Variants in SLC44A5 observed in about 807,000 individuals in gnomAD.
SLC44A5 encodes choline transporter-like protein 5.
In SLC44A5, 57 loss-of-function variants were observed where a neutral mutation model predicts 101.8. That is an observed-to-expected ratio of 0.56 (90% CI 0.45 to 0.70). SLC44A5 has a LOEUF of 0.70. Among genes scored for constraint, SLC44A5 ranks in the 30% least tolerant of loss-of-function variants. SLC44A5 has a pLI of 0.00. For missense variants in SLC44A5, 737 were observed against 853.1 expected (o/e 0.86, Z 1.70); for synonymous variants, 281 against 290.9 (o/e 0.97, Z 0.35).
At chr1:75,365,806 G>T (rs532106902) in intron 3 of SLC44A5, among the ~76,000 whole-genome samples, 137 of 152,070 alleles carry the variant, frequency 9.0e-4, no homozygotes, top group Non-Finnish European at 1.6e-3. Context: ...TCTGCTAGAG[G>T]TTTTTTTCCT....
At chr1:75,273,570 G>A (rs1651670496) in intron 6 of SLC44A5, among the ~76,000 whole-genome samples, 1 of 151,858 alleles carries the variant, frequency 6.6e-6, no homozygotes, top group South Asian at 2.1e-4. Context: ...TTTTTGTTGA[G>A]GGCTCTCATC....
At chr1:75,449,775 G>A (rs898775897) in intron 2 of SLC44A5, among the ~76,000 whole-genome samples, 3 of 152,070 alleles carry the variant, frequency 2.0e-5, no homozygotes, top group African/African-American at 7.2e-5. Context: ...GGCCGAGAAG[G>A]GCGGATCACA....
chr1:75,568,591 T>C (rs2102028895), intron 1 of SLC44A5, among the ~76,000 whole-genome samples: 1 of 152,336 alleles, frequency 6.6e-6, no homozygotes, highest in South Asian at 2.1e-4. Context: ...TTTTCTATTT[T>C]CCATACCTCT....
At chr1:75,693,360 C>T in the SLC44A5 span, among the ~76,000 whole-genome samples, 2 of 152,142 alleles carry the variant, frequency 1.3e-5, no homozygotes, top group Non-Finnish European at 2.9e-5. Context: ...TTCCCATTTA[C>T]CTTGGCACCC....
At position 75,218,631 on chromosome 1, in the gene SLC44A5, A is replaced by G. The variant is rs1274752515; in HGVS notation, c.1388T>C (p.Val463Ala). The G allele has an allele frequency of 2.5e-6, 4 of 1,613,772 alleles. No individual in the cohort carries two copies. The African/African-American group carries it at 5.3e-5, about 22-fold the overall frequency. The part of the protein sequence containing the change: ...IPTFHVYNLF[V>A]FLWLINFVIA... ...GACGAAGTTTATAAGCCAGAGAAAG[A>G]CAAATAAGTTGTATACATGGAAGGT... The change falls in exon 17 of 24, where the codon GTC (valine) becomes GCC (alanine). Residue 463 changes from valine to alanine, a missense_variant. By Grantham distance (64) the Val-to-Ala change is moderately conservative. Transcript: ENST00000370859.
intron 2 of SLC44A5, among the ~76,000 whole-genome samples, chr1:75,439,835 GAC>G (rs1665095821): frequency 6.6e-6 from 1 of 151,956 alleles, no homozygotes; most frequent in African/African-American, 2.4e-5. Context: ...AGACACAAGA[GAC>G]ACAATATCTA....
chr1:75,454,031 C>T (rs1666050031), intron 2 of SLC44A5, among the ~76,000 whole-genome samples: 1 of 152,062 alleles, frequency 6.6e-6, no homozygotes, highest in Non-Finnish European at 1.5e-5. Flanking sequence ...GAGAGGGACT[C>T]TTCCCTAACT....
intron 2 of SLC44A5, among the ~76,000 whole-genome samples, chr1:75,423,698 C>T (rs561733771): frequency 2.3e-4 from 35 of 152,342 alleles, no homozygotes; most frequent in African/African-American, 5.3e-4. Context: ...GCTCCCAGGA[C>T]GCACTTATCT....
rs912892135 is a variant in SLC44A5, at chr1:75,203,185, T to C, written c.*542A>G. 2.0e-5 allele frequency: 3 copies of C among 152,238 alleles called. No homozygotes were observed. Among genetic ancestry groups the C allele is most frequent in the African/African-American group, 7.2e-5 (3 of 41,476 alleles). 9.4% of individuals were successfully genotyped at this position (152,238 alleles called of 1,614,324 possible). A position where few individuals can be genotyped will look rare whatever the true frequency, so the allele number is the denominator to read the frequency against. The stretch of plus-strand genomic sequence containing the variant: ...GGCACTTTGTCAGAGGGCTAAGTAG[T>C]AAAGGCTGGATGATTGGCAATTTGT... On this transcript the variant is annotated 3_prime_UTR_variant, in exon 24 of 24. Coordinates refer to ENST00000370859, the MANE Select transcript of SLC44A5 (RefSeq NM_001130058.2).
intron 1 of SLC44A5, among the ~76,000 whole-genome samples, chr1:75,555,978 A>T (rs1672192400): frequency 6.6e-6 from 1 of 152,126 alleles, no homozygotes; most frequent in Non-Finnish European, 1.5e-5. Flanking sequence ...AAAAGTACAC[A>T]TTATATATTT....
At chr1:75,219,194 CA>C in intron 16 of SLC44A5, 62 bp downstream of exon 16, 1 of 1,168,702 alleles carries the variant, frequency 8.6e-7, no homozygotes, top group Non-Finnish European at 1.3e-6. Flanking sequence ...ACCACAACTA[CA>C]AAATGAATTG....
At chr1:75,681,358 A>G in the SLC44A5 span, among the ~76,000 whole-genome samples, 199 of 152,146 alleles carry the variant, frequency 1.3e-3, no homozygotes, top group Non-Finnish European at 2.4e-3. Flanking sequence ...CAAATCCTCA[A>G]TAAAATACTG....
chr1:75,212,301 C>T lies in SLC44A5; in HGVS notation c.1963-749G>A, dbSNP rs572196272. Among the ~76,000 whole-genome samples the T allele has an allele frequency of 3.9e-5, 6 of 152,074 alleles. No homozygotes were observed. The South Asian group carries it at 1.2e-3, about 32-fold the overall frequency. On this transcript the variant is annotated intron_variant, in intron 22 of 23. Coordinates refer to ENST00000370859, the MANE Select transcript of SLC44A5 (RefSeq NM_001130058.2). ...ATTATTTCATCACCCAAGTAACAAG[C>T]CTAGTATCCAATAGGTAGTTTTTCG... is the stretch of plus-strand genomic sequence containing the variant.
rs1450044772 is a variant in SLC44A5 at position 75,219,308 on chromosome 1, G to A, written c.1215C>T (p.Val405=). The A allele has an allele frequency of 1.2e-6, 2 of 1,613,180 alleles. No individual in the cohort carries two copies. Among genetic ancestry groups the A allele is most frequent in the Non-Finnish European group, 1.7e-6 (2 of 1,179,404 alleles). Residue 405 remains valine (V), a synonymous_variant, in exon 16 of 24, where the codon GTC becomes GTT. Transcript: ENST00000370859. ...LATSGVPVYK[V]IAPGGHCIHE... is the part of the protein sequence containing the mutation. ...GTATACAATGCCCCCCTGGAGCTAT[G>A]ACTTTGTATACAGGTACCCCCGATG...
chr1:75,349,771 C>T (rs1161224041), intron 3 of SLC44A5, among the ~76,000 whole-genome samples: 1 of 151,858 alleles, frequency 6.6e-6, no homozygotes, highest in Non-Finnish European at 1.5e-5. Flanking sequence ...TAATATAATA[C>T]AATCCAAAAA....
chr1:75,396,672 C>G (rs921734602), intron 2 of SLC44A5, 51 bp from the exon 3 acceptor site: 7 of 1,412,944 alleles, frequency 5.0e-6, no homozygotes, highest in Admixed American at 3.4e-5. Context: ...GCTGATGACT[C>G]TGAGGTTCTA....
chr1:75,440,552 C>A (rs557201747), intron 2 of SLC44A5, among the ~76,000 whole-genome samples: 1 of 152,164 alleles, frequency 6.6e-6, no homozygotes, highest in East Asian at 1.9e-4. Flanking sequence ...TTCCATTTTA[C>A]TCTGAGTGAA....
chr1:75,524,291 C>A (rs764136271), intron 2 of SLC44A5, among the ~76,000 whole-genome samples: 63 of 152,138 alleles, frequency 4.1e-4, no homozygotes, highest in South Asian at 8.3e-4. Flanking sequence ...TGAGGCCTCC[C>A]CAGACGTGTC....
chr1:75,580,906 T>C (rs1346879575), intron 1 of SLC44A5, among the ~76,000 whole-genome samples: 1 of 151,342 alleles, frequency 6.6e-6, no homozygotes, highest in Non-Finnish European at 1.5e-5. Context: ...TTTAGCATAA[T>C]GCACAGGGAA....
Sources: allele counts gnomAD v4.1 joint callset (sites outside exome capture counted in the v4.1 genomes callset), GRCh38; gene constraint gnomAD v4.1.1; transcripts MANE v1.5; gene names NCBI Gene and HGNC (gene_info 2026-07-23, HGNC 2026-07-21).